The following PRRG4 variants were observed in gnomAD, a reference collection of about 807,000 sequenced individuals.
The protein encoded by PRRG4 is transmembrane gamma-carboxyglutamic acid protein 4.
PRRG4 carries 12 observed loss-of-function variants against 20.0 expected under a neutral mutation model. The observed-to-expected ratio is 0.60, with a 90% CI of 0.38 to 0.97. The LOEUF is 0.97. Among genes scored for constraint, PRRG4 ranks in the 50% least tolerant of loss-of-function variants. PRRG4 has a pLI of 0.00. For missense variants in PRRG4, 199 were observed against 265.1 expected, an observed-to-expected ratio of 0.75 and a Z score of 1.73; for synonymous variants, 94 against 96.4, an observed-to-expected ratio of 0.98 and a Z score of 0.15.
chr11:32,850,810 C>T (rs1364086188), intron 5 of PRRG4, among the ~76,000 whole-genome samples: 1 of 152,194 alleles, frequency 6.6e-6, no homozygotes, highest in African/African-American at 2.4e-5. Flanking sequence ...TGGCTCACGC[C>T]TGTAATCCCA....
chr11:32,833,452 G>A (rs937856509), intron 2 of PRRG4, among the ~76,000 whole-genome samples: 5 of 152,062 alleles, frequency 3.3e-5, no homozygotes, highest in Non-Finnish European at 5.9e-5. Flanking sequence ...TGAGAAATTT[G>A]GCACTGCTCT....
intron 5 of PRRG4, among the ~76,000 whole-genome samples, chr11:32,845,621 G>A (rs187505253): frequency 1.4e-4 from 20 of 141,674 alleles, no homozygotes; most frequent in African/African-American, 4.8e-4. Flanking sequence ...GCAAGACTCC[G>A]TTTCAAAAAA....
intron 3 of PRRG4, 56 bp downstream of exon 3, chr11:32,836,877 T>C (rs905332144): frequency 6.9e-7 from 1 of 1,452,124 alleles, no homozygotes; most frequent in African/African-American, 1.4e-5. Context: ...CTTAAGAAAG[T>C]GGCACTTTCA....
chr11:32,843,732 T>G (rs1418694483), intron 5 of PRRG4, among the ~76,000 whole-genome samples: 10 of 2,392 alleles, frequency 4.2e-3, no homozygotes, highest in Admixed American at 0.01. Flanking sequence ...GTTTTTCTGT[T>G]TTTTTTTTTT....
At chr11:32,849,390 C>G (rs1172950366) in intron 5 of PRRG4, among the ~76,000 whole-genome samples, 1 of 151,846 alleles carries the variant, frequency 6.6e-6, no homozygotes, top group Non-Finnish European at 1.5e-5. Context: ...GTTGGCCGGG[C>G]ATGGTGGCTC....
At chr11:32,832,882 G>A (rs746146719) in intron 2 of PRRG4, among the ~76,000 whole-genome samples, 4 of 152,186 alleles carry the variant, frequency 2.6e-5, no homozygotes, top group Non-Finnish European at 5.9e-5. Flanking sequence ...CGGAATATCT[G>A]GGTTGGTGAA....
Position 32,840,233 on chromosome 11 carries a change from A to C in PRRG4, c.443A>C (p.His148Pro). The part of the protein sequence containing the change: ...LCITKCNRLQ[H>P]PCSSAVYERG... ...ATCACTAAGTGTAATAGGCTACAAC[A>C]TCCATGGTAAGTACTAAGTGAAATT... The change falls in exon 5 of 6, where the codon CAT becomes CCT. Residue 148 changes from histidine to proline, a missense_variant. Transcript: ENST00000257836. This position sits in a 1 kb window ranked among gnomAD's most constrained non-coding sequence, Gnocchi z 4.1. 1 of 1,591,734 alleles carries C rather than the reference A, an allele frequency of 6.3e-7. No individual in the cohort carries two copies. Among genetic ancestry groups the C allele is most frequent in the Non-Finnish European group, 8.6e-7 (1 of 1,162,984 alleles).
chr11:32,831,920 C>T (rs987815058), intron 2 of PRRG4, among the ~76,000 whole-genome samples: 7 of 152,030 alleles, frequency 4.6e-5, no homozygotes, highest in East Asian at 1.9e-4. Context: ...ACCCGGGAGG[C>T]AGAGGCTGCA....
At chr11:32,835,962 C>T (rs1023785581) in intron 2 of PRRG4, among the ~76,000 whole-genome samples, 5 of 151,856 alleles carry the variant, frequency 3.3e-5, no homozygotes, top group African/African-American at 9.7e-5. Context: ...ATTAGCTGGG[C>T]GTGGTGGCAC....
At position 32,837,525 on chromosome 11, in the gene PRRG4, TGATG is replaced by T. The variant is rs1565113760; in HGVS notation, c.267+705_267+708del. On this transcript the variant is annotated intron_variant, in intron 3 of 5. Transcript: ENST00000257836. Reference sequence around the variant, plus strand: ...CTAACTGAGATGATGATGATGATGATGATGATGATGATGATGATTATTATTATTA... The same window carrying T: ...CTAACTGAGATGATGATGATGATGATATGATGATGATGATTATTATTATTA... Among the ~76,000 whole-genome samples, 34 of 110,536 alleles carry T rather than the reference TGATG, an allele frequency of 3.1e-4. 1 individual carries two copies. Among genetic ancestry groups the T allele is most frequent in the African/African-American group, 1.2e-3 (34 of 27,752 alleles). The allele number at this position is 110,536 out of a possible 152,430, so 72.5% of individuals were successfully genotyped here.
rs1295558723 is a variant in PRRG4, at chr11:32,856,073, G to A, written c.*2546G>A. 1 of 152,020 alleles carries A rather than the reference G, an allele frequency of 6.6e-6. No individual in the cohort carries two copies. Among genetic ancestry groups the A allele is most frequent in the African/African-American group, 2.4e-5 (1 of 41,378 alleles). The allele number at this position is 152,020 out of a possible 1,614,324, so 9.4% of individuals were successfully genotyped here. On this transcript the variant is annotated 3_prime_UTR_variant, in exon 6 of 6. Transcript: ENST00000257836. Reference sequence around the variant, plus strand: ...CTCATATATACATACATTTATATATGTACATGTTACATATATTTAGATGTA... The same window carrying A: ...CTCATATATACATACATTTATATATATACATGTTACATATATTTAGATGTA...
rs1179479346 is a variant in PRRG4 at position 32,854,022 on chromosome 11, G to A, written c.*495G>A. The A allele has an allele frequency of 6.5e-6, 1 of 153,992 alleles. No individual in the cohort carries two copies. The highest frequency in any genetic ancestry group is 1.4e-5 in the Non-Finnish European group (1 of 69,204). The allele number at this position is 153,992 out of a possible 1,614,324, so 9.5% of individuals were successfully genotyped here. ...CCATGTACTGTACCACAGAAGTTCT[G>A]TCTGCATCTTGGACCTGAACTTGAT... On this transcript the variant is annotated 3_prime_UTR_variant, in exon 6 of 6. Coordinates refer to ENST00000257836, the MANE Select transcript of PRRG4 (RefSeq NM_024081.6).
chr11:32,850,196 A>G (rs185325484), intron 5 of PRRG4, among the ~76,000 whole-genome samples: 2 of 152,324 alleles, frequency 1.3e-5, no homozygotes, highest in Admixed American at 1.3e-4. Flanking sequence ...TAGCACAGTC[A>G]TTATTTAGTG....
At chr11:32,839,964 T>C (rs564204126) in intron 4 of PRRG4, 143 bp from the exon 5 acceptor site, 6 of 435,336 alleles carry the variant, frequency 1.4e-5, no homozygotes, top group African/African-American at 1.2e-4. Context: ...TCAGGTAGAT[T>C]CTCTAGCACA....
intron 5 of PRRG4, among the ~76,000 whole-genome samples, chr11:32,849,554 C>CT (rs1329684783): frequency 1.3e-5 from 2 of 152,058 alleles, no homozygotes; most frequent in Non-Finnish European, 2.9e-5. Context: ...ATCCCAGCTA[C>CT]TCAGGAGGCT....
chr11:32,840,222 T>C lies in PRRG4; in HGVS notation c.432T>C (p.Asn144=), dbSNP rs750157035. The C allele has an allele frequency of 1.9e-6, 3 of 1,597,194 alleles. No homozygotes were observed. The highest frequency in any genetic ancestry group is 2.7e-5 in the African/African-American group (2 of 74,738). Residue 144 remains asparagine (N), a synonymous_variant, in exon 5 of 6, where the codon AAT becomes AAC. Coordinates refer to ENST00000257836, the MANE Select transcript of PRRG4 (RefSeq NM_024081.6). The surrounding 1 kb of genome is among the most constrained non-coding windows in gnomAD (Gnocchi z 4.1). ...ACTATCTTTGTATCACTAAGTGTAA[T>C]AGGCTACAACATCCATGGTAAGTAC... ...LGYYLCITKC[N]RLQHPCSSAV... is the part of the protein sequence containing the mutation.
chr11:32,845,344 G>A (rs954559132), intron 5 of PRRG4, among the ~76,000 whole-genome samples: 1 of 152,110 alleles, frequency 6.6e-6, no homozygotes, highest in Non-Finnish European at 1.5e-5. Context: ...GAGAACACTC[G>A]GCTGGGTGCG....
At chr11:32,847,298 T>C (rs7104571) in intron 5 of PRRG4, among the ~76,000 whole-genome samples, 1 of 148,488 alleles carries the variant, frequency 6.7e-6, no homozygotes, top group Non-Finnish European at 1.5e-5. Flanking sequence ...ATAACCCACG[T>C]TTTTTTTAGT....
intron 4 of PRRG4, among the ~76,000 whole-genome samples, chr11:32,839,157 G>T (rs1249128942): frequency 6.6e-6 from 1 of 152,126 alleles, no homozygotes; most frequent in Non-Finnish European, 1.5e-5. Context: ...GAGATAATGG[G>T]CTTAAAGCTG....
Sources: allele counts gnomAD v4.1 joint callset (sites outside exome capture counted in the v4.1 genomes callset), GRCh38; gene constraint gnomAD v4.1.1; non-coding constraint Gnocchi (gnomAD v3.1); transcripts MANE v1.5; gene names NCBI Gene and HGNC (gene_info 2026-07-23, HGNC 2026-07-21).